The following PTPRT variants were observed in gnomAD, a reference collection of about 807,000 sequenced individuals.
PTPRT encodes the protein protein tyrosine phosphatase receptor type T, also known as receptor-type tyrosine-protein phosphatase T.
In PTPRT, 56 loss-of-function variants were observed where a neutral mutation model predicts 176.8. The ratio of observed to expected loss-of-function variants is 0.32; its 90% CI spans 0.26 to 0.40. The LOEUF is 0.40. PTPRT is among the 10% of genes least tolerant of loss of function. The pLI, the probability that PTPRT is intolerant of heterozygous loss-of-function variation, is 1.00. For missense variants in PTPRT, 1,540 were observed against 1,908.2 expected (o/e 0.81, Z 3.60); for synonymous variants, 783 against 739.0 (o/e 1.06, Z -0.96).
intron 1 of PTPRT, among the ~76,000 whole-genome samples, chr20:43,151,313 CA>C (rs1454107911): frequency 3.7e-5 from 1 of 26,978 alleles, no homozygotes; most frequent in East Asian, 9.6e-4. Flanking sequence ...AACTCCGTCT[CA>C]AACAAAAAAA....
At position 42,104,556 on chromosome 20, in the gene PTPRT, G is replaced by C. The variant is rs761655022; in HGVS notation, c.3540+13C>G. 74 of 1,608,168 alleles carry C rather than the reference G, an allele frequency of 4.6e-5. No homozygotes were observed. The highest frequency in any genetic ancestry group is 6.1e-5 in the Non-Finnish European group (72 of 1,175,488). On this transcript the variant is annotated intron_variant, in intron 25 of 30. Coordinates refer to ENST00000373187, the MANE Select transcript of PTPRT (RefSeq NM_007050.6). ...TGACTAAGATGGTCACCGAGCCTGG[G>C]ATTTGCTCATACCTGAAATTCATCT...
chr20:43,080,899 A>G (rs1393697790), intron 1 of PTPRT, among the ~76,000 whole-genome samples: 1 of 152,256 alleles, frequency 6.6e-6, no homozygotes, highest in South Asian at 2.1e-4. Flanking sequence ...CAACCACGGC[A>G]CCATTCCATG....
chr20:43,003,326 A>G (rs945185287), intron 1 of PTPRT, among the ~76,000 whole-genome samples: 1 of 152,168 alleles, frequency 6.6e-6, no homozygotes, highest in Non-Finnish European at 1.5e-5. Context: ...AGCTGAGAAT[A>G]CAGATGCATG....
At chr20:42,384,422 C>A in intron 9 of PTPRT, among the ~76,000 whole-genome samples, 1 of 152,024 alleles carries the variant, frequency 6.6e-6, no homozygotes, top group East Asian at 1.9e-4. Context: ...GATGGGTGGA[C>A]AAGGGTGCGA....
chr20:42,916,326 G>A (rs946139445), intron 1 of PTPRT, among the ~76,000 whole-genome samples: 9 of 152,062 alleles, frequency 5.9e-5, no homozygotes, highest in African/African-American at 2.2e-4. Flanking sequence ...AGTATTCCAT[G>A]GTGTATATGT....
intron 8 of PTPRT, among the ~76,000 whole-genome samples, chr20:42,460,759 C>G (rs2071004621): frequency 6.6e-6 from 1 of 152,186 alleles, no homozygotes; most frequent in Admixed American, 6.5e-5. Flanking sequence ...TGCCTTGCTT[C>G]CCCTTCACCT....
intron 7 of PTPRT, among the ~76,000 whole-genome samples, chr20:42,630,440 G>A (rs923528112): frequency 6.6e-6 from 1 of 152,064 alleles, no homozygotes; most frequent in Non-Finnish European, 1.5e-5. Flanking sequence ...CTTGGGGGGA[G>A]GGTAAAGGAA....
At chr20:43,186,977 C>T (rs993577039) in intron 1 of PTPRT, among the ~76,000 whole-genome samples, 1 of 152,216 alleles carries the variant, frequency 6.6e-6, no homozygotes, top group African/African-American at 2.4e-5. Flanking sequence ...CTTCCCCCAT[C>T]CCAAATCATG....
At chr20:42,651,297 A>G (rs751012378) in intron 7 of PTPRT, among the ~76,000 whole-genome samples, 3 of 152,194 alleles carry the variant, frequency 2.0e-5, no homozygotes, top group Non-Finnish European at 2.9e-5. Context: ...ATTGCTTGTC[A>G]AAGTCAGATA....
chr20:42,234,987 A>G (rs1304976711), intron 15 of PTPRT, among the ~76,000 whole-genome samples: 1 of 152,226 alleles, frequency 6.6e-6, no homozygotes, highest in Non-Finnish European at 1.5e-5. Flanking sequence ...GAGGGAAGAC[A>G]TGGAGCGCTA....
At chr20:42,818,110 AC>A (rs918962077) in intron 2 of PTPRT, among the ~76,000 whole-genome samples, 5 of 152,060 alleles carry the variant, frequency 3.3e-5, no homozygotes, top group African/African-American at 1.2e-4. Context: ...TACAGGAGCA[AC>A]CCTACTGGCA....
At chr20:42,754,296 C>T (rs536123694) in intron 6 of PTPRT, among the ~76,000 whole-genome samples, 1 of 152,336 alleles carries the variant, frequency 6.6e-6, no homozygotes, top group South Asian at 2.1e-4. Context: ...AGCGATTCTC[C>T]TGCCTCAACC....
At chr20:42,092,117 G>A (rs985194673) in intron 27 of PTPRT, among the ~76,000 whole-genome samples, 1 of 152,182 alleles carries the variant, frequency 6.6e-6, no homozygotes, top group African/African-American at 2.4e-5. Flanking sequence ...GGGAAAGGAG[G>A]TAAATGGGAA....
At chr20:42,839,523 T>C (rs2078241258) in intron 2 of PTPRT, among the ~76,000 whole-genome samples, 1 of 152,152 alleles carries the variant, frequency 6.6e-6, no homozygotes, top group Admixed American at 6.5e-5. Context: ...TTAAGGGCAG[T>C]TGGAGAAATA....
intron 1 of PTPRT, among the ~76,000 whole-genome samples, chr20:42,943,982 G>A (rs1005749010): frequency 6.6e-6 from 1 of 151,952 alleles, no homozygotes; most frequent in Non-Finnish European, 1.5e-5. Flanking sequence ...TGGCACCACT[G>A]CACTCCAACC....
chr20:42,217,016 T>C (rs1421834485), intron 15 of PTPRT, among the ~76,000 whole-genome samples: 2 of 152,168 alleles, frequency 1.3e-5, no homozygotes, highest in East Asian at 3.9e-4. Context: ...TGGAATGCCA[T>C]CTTCTGCCCC....
chr20:42,395,588 A>G (rs2058841228), intron 9 of PTPRT, among the ~76,000 whole-genome samples: 1 of 152,044 alleles, frequency 6.6e-6, no homozygotes, highest in Non-Finnish European at 1.5e-5. Context: ...GTATCTTTCT[A>G]TACAATTCCT....
chr20:42,206,739 TAAAC>T (rs984261975), intron 15 of PTPRT, among the ~76,000 whole-genome samples: 8 of 152,160 alleles, frequency 5.3e-5, no homozygotes, highest in African/African-American at 1.9e-4. Context: ...CTTGCTTAGA[TAAAC>T]AAAGCAGCCC....
chr20:42,414,085 G>A (rs1398442824), intron 9 of PTPRT, among the ~76,000 whole-genome samples: 1 of 152,080 alleles, frequency 6.6e-6, no homozygotes, highest in Non-Finnish European at 1.5e-5. Context: ...GCCCGCCTCC[G>A]CTTCCCAAAG....
Sources: gnomAD v4.1 joint callset for allele counts (sites outside exome capture counted in the v4.1 genomes callset) on GRCh38, gnomAD v4.1.1 for gene constraint, MANE v1.5 for transcripts, NCBI Gene and HGNC (gene_info 2026-07-23, HGNC 2026-07-21) for gene names.